Variants in NEDD9 observed in about 807,000 individuals in gnomAD.
NEDD9 encodes enhancer of filamentation 1.
A neutral mutation model predicts 76.6 loss-of-function variants in NEDD9; 26 were observed. The observed-to-expected ratio is 0.34, with a 90% CI of 0.25 to 0.47. The LOEUF (loss-of-function observed/expected upper bound fraction) is 0.47. Among genes scored for constraint, NEDD9 ranks in the 20% least tolerant of loss-of-function variants. NEDD9 has a pLI of 1.00. For missense variants in NEDD9, 937 were observed against 1,058.5 expected (o/e 0.89, Z 1.59); for synonymous variants, 392 against 414.2 (o/e 0.95, Z 0.65).
intron 3 of NEDD9, among the ~76,000 whole-genome samples, chr6:11,254,459 A>T (rs6457197): frequency 0.68 from 104,053 of 152,132 alleles, 36,820 homozygotes; most frequent in African/African-American, 0.86. Flanking sequence ...CTGTATTTTT[A>T]AAAATTAAAT....
chr6:11,229,990 C>G (rs774217494), intron 1 of NEDD9, among the ~76,000 whole-genome samples: 1 of 152,188 alleles, frequency 6.6e-6, no homozygotes, highest in Non-Finnish European at 1.5e-5. Flanking sequence ...GGGCCTGATT[C>G]ATAAGTCTTT....
chr6:11,371,602 C>T (rs1006429541), intron 1 of NEDD9, among the ~76,000 whole-genome samples: 1 of 152,156 alleles, frequency 6.6e-6, no homozygotes, highest in East Asian at 1.9e-4. Flanking sequence ...GTTTTACAAA[C>T]GTATTTGTTC....
At chr6:11,227,714 G>A (rs1037193311) in intron 1 of NEDD9, among the ~76,000 whole-genome samples, 5 of 152,224 alleles carry the variant, frequency 3.3e-5, no homozygotes, top group African/African-American at 7.2e-5. Flanking sequence ...AACAGGCCCA[G>A]TAGGCAACCT....
intron 3 of NEDD9, among the ~76,000 whole-genome samples, chr6:11,244,795 A>G (rs1295928846): frequency 6.6e-6 from 1 of 152,218 alleles, no homozygotes; most frequent in Non-Finnish European, 1.5e-5. Context: ...GAATGAGTCC[A>G]TGTGCAAAAA....
chr6:11,228,432 A>T (rs1322846749), intron 1 of NEDD9, among the ~76,000 whole-genome samples: 1 of 152,214 alleles, frequency 6.6e-6, no homozygotes, highest in Non-Finnish European at 1.5e-5. Flanking sequence ...CAGGAGGCCG[A>T]GACAGGAGAA....
chr6:11,351,558 T>C (rs1245950548), intron 1 of NEDD9, among the ~76,000 whole-genome samples: 1 of 152,210 alleles, frequency 6.6e-6, no homozygotes, highest in Non-Finnish European at 1.5e-5. Context: ...CATTGGACCC[T>C]GGTGTGAGTG....
At chr6:11,233,221 G>T, upstream of NEDD9, 1 of 516,164 alleles carries the variant, frequency 1.9e-6, no homozygotes, top group African/African-American at 1.9e-5. Flanking sequence ...TGCTTTTTTT[G>T]TTCTTTTCAA....
chr6:11,356,262 C>T (rs1257032783), intron 1 of NEDD9, among the ~76,000 whole-genome samples: 2 of 152,150 alleles, frequency 1.3e-5, no homozygotes, highest in Non-Finnish European at 2.9e-5. Flanking sequence ...GTTCCCACAC[C>T]TGACGGATCC....
Position 11,213,785 on chromosome 6 carries a change from A to G in NEDD9, c.13-58T>C, listed in dbSNP as rs1351081586. 1 of 1,497,248 alleles carries G rather than the reference A, an allele frequency of 6.7e-7. No homozygotes were observed. 92.7% of individuals were successfully genotyped at this position (1,497,248 alleles called of 1,614,324 possible). On this transcript the variant is annotated intron_variant, in intron 1 of 6. Coordinates refer to ENST00000379446, the MANE Select transcript of NEDD9 (RefSeq NM_006403.4). The surrounding 1 kb of genome is among the most constrained non-coding windows in gnomAD (Gnocchi z 5.4). The stretch of plus-strand genomic sequence containing the variant: ...AGAATATTGGGTCGGTCCCTTTATC[A>G]CCTAAGGCCCGTGCTCTTATGGAAA...
intron 1 of NEDD9, among the ~76,000 whole-genome samples, chr6:11,225,655 C>T (rs1253375402): frequency 2.0e-5 from 3 of 152,192 alleles, no homozygotes; most frequent in African/African-American, 4.8e-5. Context: ...GTGACCACCA[C>T]CATGCCCAGC....
chr6:11,234,801 C>T (rs1027259956), upstream of NEDD9, among the ~76,000 whole-genome samples: 27 of 151,800 alleles, frequency 1.8e-4, no homozygotes, highest in Admixed American at 4.6e-4. Flanking sequence ...CTGCAATCCC[C>T]GCATCTCTGG....
chr6:11,373,045 G>A (rs911318578), intron 1 of NEDD9, among the ~76,000 whole-genome samples: 3 of 151,880 alleles, frequency 2.0e-5, no homozygotes, highest in African/African-American at 7.3e-5. Context: ...GTTACTTAAA[G>A]CTAACAAAGA....
chr6:11,250,508 C>T (rs541513661), intron 3 of NEDD9, among the ~76,000 whole-genome samples: 1 of 152,152 alleles, frequency 6.6e-6, no homozygotes, highest in South Asian at 2.1e-4. Context: ...AGAATCATGT[C>T]CTGAATCTAC....
chr6:11,252,241 C>G lies in NEDD9; in HGVS notation c.13-38514G>C, dbSNP rs1483496434. Among the ~76,000 whole-genome samples, 2 of 152,086 alleles carry G rather than the reference C, an allele frequency of 1.3e-5. No individual in the cohort carries two copies. The highest frequency in any genetic ancestry group is 2.9e-5 in the Non-Finnish European group (2 of 68,026). On this transcript the variant is annotated intron_variant, in intron 3 of 3. Transcript: ENST00000397378. This position sits in a 1 kb window ranked among gnomAD's most constrained non-coding sequence, Gnocchi z 4.3. ...GACTGGTATTCTCATTTTCTACCAG[C>G]CTGAGCATGTCATGAACTTTCTGGC...
rs200047696 is a variant in NEDD9 at position 11,190,902 on chromosome 6, C to T, written c.967G>A (p.Val323Ile). 5.0e-6 allele frequency: 8 copies of T among 1,614,082 alleles called. No individual in the cohort carries two copies. Among genetic ancestry groups the T allele is most frequent in the Middle Eastern group, 1.6e-4 (1 of 6,062 alleles). ...QNDAYDVPRG[V>I]QFLEPPAETS... ...TCTGCTGGTGGCTCAAGAAACTGAA[C>T]GCCTCGGGGGACATCATATGCGTCG... The change falls in exon 5 of 7, where the codon GTT becomes ATT. Residue 323 changes from valine (V) to isoleucine (I), a missense_variant. Physicochemically the swap from Val to Ile is conservative, Grantham distance 29. Coordinates refer to ENST00000379446, the MANE Select transcript of NEDD9 (RefSeq NM_006403.4). This position sits in a 1 kb window ranked among gnomAD's most constrained non-coding sequence, Gnocchi z 5.8.
chr6:11,255,810 T>G (rs748998174), intron 3 of NEDD9, among the ~76,000 whole-genome samples: 1 of 152,032 alleles, frequency 6.6e-6, no homozygotes, highest in Non-Finnish European at 1.5e-5. Flanking sequence ...GCTTTCAGTG[T>G]GAAGGAATCC....
chr6:11,318,282 T>C (rs1232332382), intron 2 of NEDD9, among the ~76,000 whole-genome samples: 2 of 152,100 alleles, frequency 1.3e-5, no homozygotes, highest in Non-Finnish European at 2.9e-5. Context: ...AATATATATG[T>C]GTATCTTATT....
rs574173684 is a variant in NEDD9 at position 11,279,885 on chromosome 6, C to T, written c.12+26107G>A. ...TTTGCGTTATCTTACCTTGAAAACA[C>T]AGATTTCAGCATTAGCTCACCTTGA... On this transcript the variant is annotated intron_variant, in intron 3 of 3. Coordinates refer to the NEDD9 transcript ENST00000397378. Among the ~76,000 whole-genome samples the T allele has an allele frequency of 4.5e-4, 69 of 152,318 alleles. No homozygotes were observed. In the South Asian group the frequency reaches 0.01, roughly 23 times the overall value.
chr6:11,211,370 A>C (rs944074227), intron 2 of NEDD9, among the ~76,000 whole-genome samples: 2 of 152,200 alleles, frequency 1.3e-5, no homozygotes, highest in Non-Finnish European at 2.9e-5. Context: ...GGTTGGGTCT[A>C]AAAAGGAAAA....
Sources: gnomAD v4.1 joint callset for allele counts (sites outside exome capture counted in the v4.1 genomes callset) on GRCh38, gnomAD v4.1.1 for gene constraint, Gnocchi (gnomAD v3.1) non-coding constraint, MANE v1.5 for transcripts, NCBI Gene and HGNC (gene_info 2026-07-23, HGNC 2026-07-21) for gene names.